The following YWHAE variants were observed in gnomAD, a reference collection of about 807,000 sequenced individuals.
The protein encoded by YWHAE is 14-3-3 protein epsilon.
A neutral mutation model predicts 30.1 loss-of-function variants in YWHAE; 4 were observed. That is an observed-to-expected ratio of 0.13 (90% CI 0.07 to 0.30). The LOEUF is 0.30. Ranked by LOEUF, YWHAE falls within the 10% of genes least tolerant of loss-of-function variation. The probability of loss-of-function intolerance (pLI) is 1.00; values close to 1 mark genes in which losing one functional copy is unlikely to be tolerated. For synonymous variants in YWHAE, 118 were observed against 111.8 expected, an observed-to-expected ratio of 1.06 and a Z score of -0.35; for missense variants, 121 against 315.9, an observed-to-expected ratio of 0.38 and a Z score of 4.68.
chr17:1,376,224 G>A (rs1255663260), intron 1 of YWHAE, among the ~76,000 whole-genome samples: 2 of 152,120 alleles, frequency 1.3e-5, no homozygotes, highest in South Asian at 4.1e-4. Flanking sequence ...ACAATAGAGG[G>A]GAAATAACTG....
intron 1 of YWHAE, among the ~76,000 whole-genome samples, chr17:1,370,347 G>A (rs1016393013): frequency 2.6e-5 from 4 of 151,720 alleles, no homozygotes; most frequent in Non-Finnish European, 4.4e-5. Context: ...TAGCCAGGAC[G>A]GTCTCGATCT....
rs1795271606 is a variant in YWHAE at position 1,380,372 on chromosome 17, A to G, written c.65-15314T>C. 3.9e-5 allele frequency among the ~76,000 whole-genome samples: 6 copies of G among 152,260 alleles called. No homozygotes were observed. The South Asian group carries it at 1.2e-3, about 32-fold the overall frequency. On this transcript the variant is annotated intron_variant, in intron 1 of 5. Transcript: ENST00000264335. ...GGTGATCTGCCTGCCTCAGCCTTCC[A>G]AAGTGCGTGAGCCACCGCGCCCAGC... is the stretch of plus-strand genomic sequence containing the variant.
At chr17:1,361,321 A>T in intron 3 of YWHAE, 23 bp from the exon 4 acceptor site, 1 of 1,548,220 alleles carries the variant, frequency 6.5e-7, no homozygotes, top group Non-Finnish European at 8.7e-7. Context: ...CAAAATTAAA[A>T]AAAAAAAAAA....
chr17:1,358,757 G>A (rs534816544), intron 4 of YWHAE, among the ~76,000 whole-genome samples: 1 of 150,210 alleles, frequency 6.7e-6, no homozygotes, highest in East Asian at 2.0e-4. Flanking sequence ...TTGAATCTGG[G>A]AGGTGGAGGT....
chr17:1,399,615 C>T (rs1026420112), intron 1 of YWHAE: 12 of 219,218 alleles, frequency 5.5e-5, no homozygotes, highest in Non-Finnish European at 7.5e-5. Flanking sequence ...AGCTCCCGGT[C>T]TTCGCTCTCT....
chr17:1,356,520 T>C (rs977737640), intron 4 of YWHAE, among the ~76,000 whole-genome samples: 3 of 152,198 alleles, frequency 2.0e-5, no homozygotes, highest in Admixed American at 6.5e-5. Flanking sequence ...AGCAAAGGCA[T>C]GCGAGTGACT....
At chr17:1,393,310 G>A (rs2073416825) in intron 1 of YWHAE, among the ~76,000 whole-genome samples, 1 of 149,428 alleles carries the variant, frequency 6.7e-6, no homozygotes, top group South Asian at 2.1e-4. Context: ...GACCAAGTGA[G>A]ACCCTGTCTC....
intron 1 of YWHAE, among the ~76,000 whole-genome samples, chr17:1,395,705 T>C (rs1446702927): frequency 6.6e-6 from 1 of 152,088 alleles, no homozygotes; most frequent in Admixed American, 6.5e-5. Flanking sequence ...GTTAATTTAC[T>C]ACTACCTATT....
At chr17:1,394,135 T>C (rs995822920) in intron 1 of YWHAE, among the ~76,000 whole-genome samples, 2 of 152,184 alleles carry the variant, frequency 1.3e-5, no homozygotes, top group Admixed American at 1.3e-4. Context: ...AGACACTAAG[T>C]TCTGGCTTTA....
chr17:1,398,666 G>T (rs1035385560), intron 1 of YWHAE, among the ~76,000 whole-genome samples: 1 of 152,098 alleles, frequency 6.6e-6, no homozygotes, highest in Non-Finnish European at 1.5e-5. Flanking sequence ...CCACAGACAT[G>T]ACCTTTCGTT....
At chr17:1,374,709 T>C (rs2073098014) in intron 1 of YWHAE, among the ~76,000 whole-genome samples, 1 of 152,354 alleles carries the variant, frequency 6.6e-6, no homozygotes, top group South Asian at 2.1e-4. Context: ...CATGTGCTTA[T>C]GAGCCTTTTG....
chr17:1,388,944 C>T (rs1004750002), intron 1 of YWHAE, among the ~76,000 whole-genome samples: 1 of 152,060 alleles, frequency 6.6e-6, no homozygotes, highest in African/African-American at 2.4e-5. Context: ...CAATCAAATA[C>T]AAGTCATTAA....
intron 3 of YWHAE, chr17:1,361,606 A>C (rs761849014): frequency 2.1e-4 from 90 of 423,816 alleles, no homozygotes; most frequent in Non-Finnish European, 3.4e-4. Flanking sequence ...AAGGAATGGC[A>C]TGACAGTTTA....
intron 3 of YWHAE, 87 bp downstream of exon 3, chr17:1,361,815 A>G: frequency 1.3e-6 from 1 of 771,520 alleles, no homozygotes; most frequent in Non-Finnish European, 2.0e-6. Flanking sequence ...TTCTTAAATA[A>G]AAGTTGAAAA....
intron 1 of YWHAE, among the ~76,000 whole-genome samples, chr17:1,373,618 A>G (rs918664934): frequency 1.3e-5 from 2 of 151,964 alleles, no homozygotes; most frequent in Non-Finnish European, 2.9e-5. Flanking sequence ...TAGTGAGTAG[A>G]GATCGTGGCA....
intron 1 of YWHAE, among the ~76,000 whole-genome samples, chr17:1,374,006 A>ACTT (rs2073086292): frequency 6.6e-6 from 1 of 152,034 alleles, no homozygotes; most frequent in Non-Finnish European, 1.5e-5. Context: ...TACTGTATGG[A>ACTT]TATACTATGC....
intron 1 of YWHAE, among the ~76,000 whole-genome samples, chr17:1,397,936 C>G (rs935742552): frequency 6.6e-6 from 1 of 152,146 alleles, no homozygotes. Flanking sequence ...GTGGCTGTAT[C>G]AGAGTCCCAT....
chr17:1,379,776 G>A (rs561540791), intron 1 of YWHAE, among the ~76,000 whole-genome samples: 94 of 152,246 alleles, frequency 6.2e-4, no homozygotes, highest in African/African-American at 2.2e-3. Context: ...ACAAGATTTA[G>A]GAAACACTCC....
intron 4 of YWHAE, 139 bp downstream of exon 4, chr17:1,360,952 CA>C (rs909224839): frequency 8.3e-6 from 6 of 722,826 alleles, no homozygotes; most frequent in African/African-American, 5.4e-5. Context: ...TAATACTATC[CA>C]AAGTAGTTTC....
Sources: allele counts gnomAD v4.1 joint callset (sites outside exome capture counted in the v4.1 genomes callset), GRCh38; gene constraint gnomAD v4.1.1; transcripts MANE v1.5; gene names NCBI Gene and HGNC (gene_info 2026-07-23, HGNC 2026-07-21).